TENM3: variants seen among roughly 807,000 people sequenced by gnomAD.
TENM3 encodes the protein teneurin transmembrane protein 3, also known as teneurin-3.
In TENM3, 63 loss-of-function variants were observed where a neutral mutation model predicts 255.1. The observed-to-expected ratio is 0.25, with a 90% CI of 0.20 to 0.30. The LOEUF (loss-of-function observed/expected upper bound fraction) is 0.30. TENM3 is among the 10% of genes least tolerant of loss of function. TENM3 has a pLI of 1.00. For synonymous variants in TENM3, 1,306 were observed against 1,322.3 expected (o/e 0.99, Z 0.27); for missense variants, 2,929 against 3,461.1 (o/e 0.85, Z 3.86).
At chr4:182,593,562 G>T (rs1378465247) in intron 3 of TENM3, among the ~76,000 whole-genome samples, 1 of 152,156 alleles carries the variant, frequency 6.6e-6, no homozygotes, top group Non-Finnish European at 1.5e-5. Context: ...TTTGTTCCCT[G>T]GGGACGTGTG....
At chr4:182,068,834 C>T in the TENM3 span, among the ~76,000 whole-genome samples, 3 of 152,040 alleles carry the variant, frequency 2.0e-5, no homozygotes, top group African/African-American at 7.2e-5. Context: ...TGAATAAACG[C>T]ATTAATGATC....
chr4:181,714,607 C>A, the TENM3 span, among the ~76,000 whole-genome samples: 1 of 152,174 alleles, frequency 6.6e-6, no homozygotes. Context: ...TATTTTCTTG[C>A]TTTCTCCTCC....
chr4:181,513,049 A>C, the TENM3 span, among the ~76,000 whole-genome samples: 1 of 152,160 alleles, frequency 6.6e-6, no homozygotes, highest in African/African-American at 2.4e-5. Flanking sequence ...GTTTCTTTAC[A>C]TTTTTCTGCA....
At chr4:181,610,596 G>A in the TENM3 span, among the ~76,000 whole-genome samples, 1 of 152,090 alleles carries the variant, frequency 6.6e-6, no homozygotes, top group African/African-American at 2.4e-5. Context: ...ACCAAAAATT[G>A]TAGAAATGAG....
chr4:182,007,234 C>G, the TENM3 span, among the ~76,000 whole-genome samples: 1 of 152,120 alleles, frequency 6.6e-6, no homozygotes, highest in Non-Finnish European at 1.5e-5. Context: ...CTGTAGACGT[C>G]TACTAGGTCC....
chr4:182,730,962 G>T lies in TENM3; in HGVS notation c.2790G>T (p.Trp930Cys). 1.9e-6 allele frequency: 3 copies of T among 1,613,618 alleles called. No homozygotes were observed. The highest frequency in any genetic ancestry group is 8.5e-7 in the Non-Finnish European group (1 of 1,179,624). Residue 930 changes from tryptophan (W) to cysteine (C), a missense_variant, in exon 16 of 28, where the codon TGG (tryptophan) becomes TGT (cysteine). Coordinates refer to ENST00000511685, the MANE Select transcript of TENM3 (RefSeq NM_001080477.4). ...TCCTCACTCAGTATCATACTGTGTG[G>T]ATTCCATGGAATGTCTTTTATGTGA... Reference protein sequence around the residue: ...SPFLTQYHTVWIPWNVFYVMD... With the variant: ...SPFLTQYHTVCIPWNVFYVMD...
chr4:182,800,265 G>C lies in TENM3; in HGVS notation c.8014G>C (p.Val2672Leu). ...GGTGCAGGGCTACGACGGGTACTACGTACTCTCGGTGGAGCAGTACCCCGA... is the reference window on the plus strand; with the variant it reads ...GGTGCAGGGCTACGACGGGTACTACCTACTCTCGGTGGAGCAGTACCCCGA... ...GKVQGYDGYYVLSVEQYPELA... is the reference protein window; with the variant it reads ...GKVQGYDGYYLLSVEQYPELA... Residue 2672 changes from valine (V) to leucine (L), a missense_variant, in exon 28 of 28, where the codon GTA becomes CTA. This residue lies in a region of TENM3 where 476 missense variants were observed against 480.1 expected (regional missense o/e 0.99). Coordinates refer to ENST00000511685, the MANE Select transcript of TENM3 (RefSeq NM_001080477.4). 1 of 1,594,112 alleles carries C rather than the reference G, an allele frequency of 6.3e-7. No homozygotes were observed. The highest frequency in any genetic ancestry group is 1.1e-5 in the South Asian group (1 of 90,064).
chr4:182,160,037 C>T lies in TENM3; in HGVS notation c.-76+15283C>T, dbSNP rs575568737. Among the ~76,000 whole-genome samples the T allele has an allele frequency of 8.6e-4, 120 of 139,772 alleles. 4 individuals carry two copies. Among genetic ancestry groups the T allele is most frequent in the African/African-American group, 2.8e-3 (111 of 40,030 alleles). 91.7% of individuals were successfully genotyped at this position (139,772 alleles called of 152,430 possible). A position where few individuals can be genotyped will look rare whatever the true frequency, so the allele number is the denominator to read the frequency against. On this transcript the variant is annotated intron_variant, in intron 1 of 2. Coordinates refer to the TENM3 transcript ENST00000512480. ...CTTTTTTTTGAGACGGAGTCTCGCT[C>T]TGTCGCCCAGGCTGGAGTGCAGCGG...
chr4:181,525,581 T>C, the TENM3 span, among the ~76,000 whole-genome samples: 4 of 152,156 alleles, frequency 2.6e-5, no homozygotes, highest in Non-Finnish European at 5.9e-5. Context: ...GGAATATTTA[T>C]GTCAAGAAAT....
At chr4:181,452,104 T>C in the TENM3 span, among the ~76,000 whole-genome samples, 1 of 152,170 alleles carries the variant, frequency 6.6e-6, no homozygotes, top group African/African-American at 2.4e-5. Flanking sequence ...GAAGTATCCC[T>C]TGAATTAAAC....
At chr4:182,065,908 C>A in the TENM3 span, among the ~76,000 whole-genome samples, 28 of 152,336 alleles carry the variant, frequency 1.8e-4, no homozygotes, top group African/African-American at 6.5e-4. Context: ...CTAGCTAGGA[C>A]TGTGATCCCA....
At chr4:181,896,845 C>T in the TENM3 span, among the ~76,000 whole-genome samples, 1 of 152,158 alleles carries the variant, frequency 6.6e-6, no homozygotes, top group African/African-American at 2.4e-5. Context: ...TGATTAATTC[C>T]AGGAGGCCTT....
At chr4:182,001,002 CTT>C in the TENM3 span, among the ~76,000 whole-genome samples, 89 of 130,470 alleles carry the variant, frequency 6.8e-4, no homozygotes, top group African/African-American at 2.1e-3. Context: ...GTTTTCTTTC[CTT>C]TTTTTTTTTT....
At chr4:182,300,335 A>C (rs1201183213) in intron 1 of TENM3, among the ~76,000 whole-genome samples, 1 of 152,216 alleles carries the variant, frequency 6.6e-6, no homozygotes, top group Non-Finnish European at 1.5e-5. Flanking sequence ...ACCTCTGCTG[A>C]ACATGACAAT....
At chr4:182,180,341 G>A (rs55697410) in intron 1 of TENM3, among the ~76,000 whole-genome samples, 14,434 of 152,174 alleles carry the variant, frequency 0.095, 896 homozygotes, top group Admixed American at 0.18. Flanking sequence ...ACTTGCCTCT[G>A]TGTTTTTCCC....
At chr4:181,877,229 G>T in the TENM3 span, 1 of 152,052 alleles carries the variant, frequency 6.6e-6, no homozygotes, top group Admixed American at 6.6e-5. Context: ...TGTCTGAAGC[G>T]GGATTTGAGT....
chr4:182,438,800 T>C (rs1038937872), intron 3 of TENM3, among the ~76,000 whole-genome samples: 2 of 152,264 alleles, frequency 1.3e-5, no homozygotes, highest in African/African-American at 4.8e-5. Flanking sequence ...AATTCTAAAA[T>C]ACTCTAACTT....
the TENM3 span, among the ~76,000 whole-genome samples, chr4:182,109,465 GA>G: frequency 6.6e-6 from 1 of 152,032 alleles, no homozygotes; most frequent in Admixed American, 6.5e-5. Context: ...ATGACAGAAA[GA>G]AAAATATTAC....
Position 182,311,669 on chromosome 4 carries a change from T to C in TENM3, c.-75-12277T>C, listed in dbSNP as rs531204083. ...TGTGAGGATTAAGTGAGGTCATATA[T>C]GTAAAGCACCTGGCATATTTTAAGC... On this transcript the variant is annotated intron_variant, in intron 1 of 27. Transcript: ENST00000511685. 2.0e-5 allele frequency among the ~76,000 whole-genome samples: 3 copies of C among 152,330 alleles called. No individual in the cohort carries two copies. The South Asian group carries it at 6.2e-4, about 32-fold the overall frequency.
Sources: gnomAD v4.1 joint callset for allele counts (sites outside exome capture counted in the v4.1 genomes callset) on GRCh38, gnomAD v4.1.1 for gene constraint, gnomAD v4.1.1 regional missense constraint, MANE v1.5 for transcripts, NCBI Gene and HGNC (gene_info 2026-07-23, HGNC 2026-07-21) for gene names.